Variants in FHIP1A observed in about 807,000 individuals in gnomAD.
FHIP1A encodes the protein FHF complex subunit HOOK interacting protein 1A, also known as FHF complex subunit HOOK-interacting protein 1A.
A neutral mutation model predicts 88.6 loss-of-function variants in FHIP1A; 61 were observed. The observed-to-expected ratio is 0.69, with a 90% CI of 0.56 to 0.85. The LOEUF is 0.85. FHIP1A is among the 40% of genes least tolerant of loss of function. The pLI is 0.00. For synonymous variants in FHIP1A, 478 were observed against 496.0 expected (o/e 0.96, Z 0.48); for missense variants, 1,154 against 1,273.5 (o/e 0.91, Z 1.43).
intron 1 of FHIP1A, among the ~76,000 whole-genome samples, chr4:151,425,734 A>G (rs770720233): frequency 2.6e-5 from 4 of 152,124 alleles, no homozygotes; most frequent in African/African-American, 4.8e-5. Flanking sequence ...ACTCTAGGGG[A>G]GAATCCTTGC....
chr4:151,498,334 G>A (rs553490872), intron 3 of FHIP1A, among the ~76,000 whole-genome samples: 1 of 152,258 alleles, frequency 6.6e-6, no homozygotes, highest in East Asian at 1.9e-4. Context: ...TTCCCTTCTG[G>A]GGTTCCAGTG....
At chr4:151,563,307 T>A (rs1733245299) in intron 3 of FHIP1A, among the ~76,000 whole-genome samples, 1 of 152,154 alleles carries the variant, frequency 6.6e-6, no homozygotes, top group Non-Finnish European at 1.5e-5. Context: ...CAGAGTTCTT[T>A]GAGTGTTTTT....
At chr4:151,536,943 C>T (rs996384070) in intron 3 of FHIP1A, among the ~76,000 whole-genome samples, 1 of 152,082 alleles carries the variant, frequency 6.6e-6, no homozygotes, top group African/African-American at 2.4e-5. Flanking sequence ...GGCATGAACA[C>T]GACTCACTGC....
chr4:151,473,596 G>T (rs1729602453), intron 2 of FHIP1A, among the ~76,000 whole-genome samples: 2 of 152,044 alleles, frequency 1.3e-5, no homozygotes. Context: ...CCTTAGACTT[G>T]AGTTTTATTT....
chr4:151,468,723 ATTTT>A (rs1729411039), intron 2 of FHIP1A, among the ~76,000 whole-genome samples: 1 of 152,128 alleles, frequency 6.6e-6, no homozygotes, highest in Non-Finnish European at 1.5e-5. Context: ...AAAGGAAGTG[ATTTT>A]CTGCTTAACT....
chr4:151,563,195 A>G (rs987331359), intron 3 of FHIP1A, among the ~76,000 whole-genome samples: 40 of 152,260 alleles, frequency 2.6e-4, no homozygotes, highest in African/African-American at 7.9e-4. Flanking sequence ...ATGCTGAAAT[A>G]TCAAGCTATT....
At position 151,591,093 on chromosome 4, in the gene FHIP1A, C is replaced by CTTT. The variant is rs552966792; in HGVS notation, c.978+2178_978+2180dup. On this transcript the variant is annotated intron_variant, in intron 7 of 13. Coordinates refer to ENST00000435205, the MANE Select transcript of FHIP1A (RefSeq NM_001109977.3). The stretch of plus-strand genomic sequence containing the variant: ...TCTCTGTCTGTTTTTTGTTGGTTTG[C>CTTT]TTTTTTTTTTTTTATCATGTAGGAT... Among the ~76,000 whole-genome samples, 420 of 140,866 alleles carry CTTT rather than the reference C, an allele frequency of 3.0e-3. 2 individuals carry two copies. Among genetic ancestry groups the CTTT allele is most frequent in the African/African-American group, 0.011 (409 of 38,894 alleles). 92.4% of individuals were successfully genotyped at this position (140,866 alleles called of 152,430 possible). A position where few individuals can be genotyped will look rare whatever the true frequency, so the allele number is the denominator to read the frequency against.
intron 3 of FHIP1A, among the ~76,000 whole-genome samples, chr4:151,524,683 A>C (rs987536272): frequency 6.6e-6 from 1 of 152,232 alleles, no homozygotes; most frequent in African/African-American, 2.4e-5. Flanking sequence ...AGGTTGAAGC[A>C]CTTTATCAGT....
rs79833279 is a variant in FHIP1A at position 151,447,086 on chromosome 4, G to A, written c.-355-7615G>A. On this transcript the variant is annotated intron_variant, in intron 1 of 13. Transcript: ENST00000435205. The stretch of plus-strand genomic sequence containing the variant: ...TAAGGGATATTTTCTGTTAAGTGGT[G>A]ATATTTCTATGGGTAAAAACTTAAT... Among the ~76,000 whole-genome samples the A allele has an allele frequency of 7.1e-3, 1,074 of 152,248 alleles. 8 individuals carry two copies. The highest frequency in any genetic ancestry group is 0.029 in the South Asian group (138 of 4,822).
chr4:151,442,391 T>C (rs923657573), intron 1 of FHIP1A, among the ~76,000 whole-genome samples: 2 of 152,168 alleles, frequency 1.3e-5, no homozygotes, highest in African/African-American at 4.8e-5. Context: ...ATCTCTCAGC[T>C]AATCTATATG....
chr4:151,516,060 G>C (rs571364103), intron 3 of FHIP1A, among the ~76,000 whole-genome samples: 1 of 152,126 alleles, frequency 6.6e-6, no homozygotes, highest in African/African-American at 2.4e-5. Context: ...ATACTACAAG[G>C]CTACAGTAAC....
intron 1 of FHIP1A, among the ~76,000 whole-genome samples, chr4:151,453,947 A>G (rs540610834): frequency 6.6e-6 from 1 of 152,342 alleles, no homozygotes; most frequent in South Asian, 2.1e-4. Context: ...ATAGTATTTC[A>G]TCCTATGAAT....
chr4:151,601,376 C>G (rs1734861855), intron 7 of FHIP1A, among the ~76,000 whole-genome samples: 2 of 151,978 alleles, frequency 1.3e-5, no homozygotes, highest in African/African-American at 4.8e-5. Flanking sequence ...TTACCAGTAT[C>G]AGCATCTTAG....
chr4:151,547,758 A>ATAAAAATT (rs1316301943), intron 3 of FHIP1A, among the ~76,000 whole-genome samples: 1 of 152,104 alleles, frequency 6.6e-6, no homozygotes, highest in African/African-American at 2.4e-5. Flanking sequence ...TACCAAAAAC[A>ATAAAAATT]TAAAAATTAG....
chr4:151,650,340 G>A lies in FHIP1A; in HGVS notation c.2299G>A (p.Glu767Lys), dbSNP rs369369452. The change falls in exon 11 of 14, where the codon GAG becomes AAG. Residue 767 changes from glutamate to lysine, a missense_variant. Coordinates refer to ENST00000435205, the MANE Select transcript of FHIP1A (RefSeq NM_001109977.3). ...CATTAAAGAGCTGGATTCCGGCGCCGAGGGCTTGATGGAACAGAATTACCC... is the reference window on the plus strand; with the variant it reads ...CATTAAAGAGCTGGATTCCGGCGCCAAGGGCTTGATGGAACAGAATTACCC... Reference protein sequence around the residue: ...QIIKELDSGAEGLMEQNYPTP... With the variant: ...QIIKELDSGAKGLMEQNYPTP... 1.7e-5 allele frequency: 27 copies of A among 1,551,716 alleles called. No homozygotes were observed. The highest frequency in any genetic ancestry group is 7.3e-5 in the East Asian group (3 of 40,912).
intron 5 of FHIP1A, among the ~76,000 whole-genome samples, chr4:151,586,163 A>G (rs1578785118): frequency 6.6e-6 from 1 of 152,092 alleles, no homozygotes; most frequent in South Asian, 2.1e-4. Flanking sequence ...CATGGTTCCA[A>G]TGTATGTGAC....
chr4:151,467,704 T>C (rs924754522), intron 2 of FHIP1A, among the ~76,000 whole-genome samples: 2 of 152,006 alleles, frequency 1.3e-5, no homozygotes, highest in African/African-American at 4.8e-5. Flanking sequence ...CTGGAAGCCA[T>C]CATCCTCAGC....
chr4:151,509,717 C>T (rs924217814), intron 3 of FHIP1A, among the ~76,000 whole-genome samples: 2 of 151,816 alleles, frequency 1.3e-5, no homozygotes, highest in African/African-American at 2.4e-5. Flanking sequence ...ATTCCTTTCC[C>T]GTTGAGCTGC....
chr4:151,540,398 T>G (rs1732241367), intron 3 of FHIP1A, among the ~76,000 whole-genome samples: 1 of 152,240 alleles, frequency 6.6e-6, no homozygotes, highest in Admixed American at 6.5e-5. Context: ...TATATTTTTT[T>G]AAGTTTGATC....
Sources: gnomAD v4.1 joint callset for allele counts (sites outside exome capture counted in the v4.1 genomes callset) on GRCh38, gnomAD v4.1.1 for gene constraint, MANE v1.5 for transcripts, NCBI Gene and HGNC (gene_info 2026-07-23, HGNC 2026-07-21) for gene names.